The following ADAMTS17 variants were observed in gnomAD, a reference collection of about 807,000 sequenced individuals.
ADAMTS17 encodes ADAM metallopeptidase with thrombospondin type 1 motif 17.
Under a neutral mutation model 141.5 loss-of-function variants are expected in ADAMTS17, and 113 were observed. The ratio of observed to expected loss-of-function variants is 0.80; its 90% CI spans 0.69 to 0.93. ADAMTS17 has a LOEUF of 0.93. Among genes scored for constraint, ADAMTS17 ranks in the 40% least tolerant of loss-of-function variants. The probability of loss-of-function intolerance (pLI) is 0.00; values close to 1 mark genes in which losing one functional copy is unlikely to be tolerated. For missense variants in ADAMTS17, 1,659 were observed against 1,517.9 expected, an observed-to-expected ratio of 1.09 and a Z score of -1.54; for synonymous variants, 768 against 630.6, an observed-to-expected ratio of 1.22 and a Z score of -3.27.
At chr15:100,002,254 T>A (rs1052589961) in intron 18 of ADAMTS17, among the ~76,000 whole-genome samples, 1 of 151,988 alleles carries the variant, frequency 6.6e-6, no homozygotes, top group East Asian at 1.9e-4. Context: ...TGAGACCTGT[T>A]TGGCGCTATT....
intron 20 of ADAMTS17, among the ~76,000 whole-genome samples, chr15:99,987,367 G>A (rs965551698): frequency 1.3e-5 from 2 of 152,168 alleles, no homozygotes; most frequent in Non-Finnish European, 2.9e-5. Flanking sequence ...CCTCGAAACT[G>A]GACAACTGGT....
At chr15:100,026,754 C>T (rs2061522827) in intron 18 of ADAMTS17, among the ~76,000 whole-genome samples, 1 of 152,224 alleles carries the variant, frequency 6.6e-6, no homozygotes, top group Admixed American at 6.5e-5. Flanking sequence ...TTGGATTTGT[C>T]AGCCTCTTTG....
intron 10 of ADAMTS17, among the ~76,000 whole-genome samples, chr15:100,151,095 T>A (rs2039140233): frequency 6.6e-6 from 1 of 152,026 alleles, no homozygotes; most frequent in Non-Finnish European, 1.5e-5. Context: ...TCATCACATC[T>A]CCCCATGGAG....
At chr15:100,052,917 G>A (rs1053783065) in intron 16 of ADAMTS17, among the ~76,000 whole-genome samples, 1 of 152,230 alleles carries the variant, frequency 6.6e-6, no homozygotes, top group African/African-American at 2.4e-5. Context: ...ACGGGGCAAC[G>A]CCCACCCTGG....
At chr15:99,992,131 T>A (rs1204595108) in intron 20 of ADAMTS17, among the ~76,000 whole-genome samples, 1 of 152,022 alleles carries the variant, frequency 6.6e-6, no homozygotes, top group Non-Finnish European at 1.5e-5. Flanking sequence ...ATGACACATG[T>A]ATACCTGTGT....
intron 3 of ADAMTS17, among the ~76,000 whole-genome samples, chr15:100,296,580 GGTGTGTGTGTGTGTGTGTGTGTGTAT>G (rs1164110530): frequency 1.9e-5 from 2 of 107,918 alleles, no homozygotes; most frequent in Non-Finnish European, 3.9e-5. Context: ...GGTGAGGGGG[GGTGTGTGTGTGTGTGTGTGTGTGTAT>G]GTGTGTGTGT....
intron 15 of ADAMTS17, among the ~76,000 whole-genome samples, chr15:100,090,818 C>T (rs8041314): frequency 0.15 from 23,248 of 151,570 alleles, 2,390 homozygotes; most frequent in East Asian, 0.54. Context: ...CTAGCCTGAA[C>T]GACACGGTGA....
At chr15:100,145,895 G>A (rs997799293) in intron 10 of ADAMTS17, among the ~76,000 whole-genome samples, 3 of 152,166 alleles carry the variant, frequency 2.0e-5, no homozygotes, top group South Asian at 2.1e-4. Flanking sequence ...ATTCCAGGCC[G>A]GGTACAGTGG....
At chr15:100,174,280 G>A (rs1214962964) in intron 8 of ADAMTS17, among the ~76,000 whole-genome samples, 1 of 150,340 alleles carries the variant, frequency 6.7e-6, no homozygotes, top group African/African-American at 2.5e-5. Context: ...CAATAGTGTT[G>A]GCAGATTCTG....
intron 18 of ADAMTS17, among the ~76,000 whole-genome samples, chr15:100,043,469 C>T (rs2031428809): frequency 6.6e-6 from 1 of 152,114 alleles, no homozygotes; most frequent in Non-Finnish European, 1.5e-5. Flanking sequence ...AATACATTCC[C>T]TGAGCTAATA....
chr15:100,319,147 G>C (rs1160208625), intron 3 of ADAMTS17, among the ~76,000 whole-genome samples: 3 of 152,250 alleles, frequency 2.0e-5, no homozygotes, highest in African/African-American at 7.2e-5. Flanking sequence ...GACTCCCAAA[G>C]AGGGTAGAAT....
intron 3 of ADAMTS17, among the ~76,000 whole-genome samples, chr15:100,315,712 A>C (rs368624083): frequency 1.8e-4 from 28 of 151,844 alleles, no homozygotes; most frequent in African/African-American, 6.1e-4. Flanking sequence ...CTAAAAATAC[A>C]CTAAAAGACA....
rs115835599 is a variant in ADAMTS17, at chr15:100,057,300, C to T, written c.2138-3246G>A. Among the ~76,000 whole-genome samples, 348 of 152,240 alleles carry T rather than the reference C, an allele frequency of 2.3e-3. 1 individual carries two copies. The highest frequency in any genetic ancestry group is 8.0e-3 in the African/African-American group (331 of 41,534). ...TGAGGATAGAGGACACCCAGGCATG[C>T]TGAGGTGCCCTGTACAAAGGAGACA... On this transcript the variant is annotated intron_variant, in intron 15 of 21. Transcript: ENST00000268070.
At chr15:100,022,568 A>G (rs1269861091) in intron 18 of ADAMTS17, among the ~76,000 whole-genome samples, 3 of 152,212 alleles carry the variant, frequency 2.0e-5, no homozygotes, top group Non-Finnish European at 4.4e-5. Context: ...GGCAAATGAG[A>G]CACAGTAATT....
chr15:100,022,627 C>CTTCAAAA (rs2061426414), intron 18 of ADAMTS17, among the ~76,000 whole-genome samples: 1 of 152,136 alleles, frequency 6.6e-6, no homozygotes, highest in South Asian at 2.1e-4. Flanking sequence ...CCTTTAGCCA[C>CTTCAAAA]CCAGCCCTGA....
intron 21 of ADAMTS17, among the ~76,000 whole-genome samples, chr15:99,975,121 C>T (rs991800119): frequency 4.6e-5 from 7 of 152,262 alleles, no homozygotes; most frequent in Non-Finnish European, 8.8e-5. Flanking sequence ...AAATCCCCTT[C>T]ATTTTGGTGA....
At chr15:100,023,491 C>G (rs1011575740) in intron 18 of ADAMTS17, among the ~76,000 whole-genome samples, 2 of 152,036 alleles carry the variant, frequency 1.3e-5, no homozygotes, top group Non-Finnish European at 1.5e-5. Flanking sequence ...CAGGGGTGAG[C>G]CACTTTGCCT....
At chr15:100,230,854 T>C (rs1408581435) in intron 7 of ADAMTS17, among the ~76,000 whole-genome samples, 3 of 141,270 alleles carry the variant, frequency 2.1e-5, no homozygotes, top group Non-Finnish European at 3.2e-5. Context: ...CTGAAACAGG[T>C]GTTGGGACTG....
intron 10 of ADAMTS17, among the ~76,000 whole-genome samples, chr15:100,152,322 C>A (rs996570586): frequency 6.6e-6 from 1 of 152,126 alleles, no homozygotes; most frequent in East Asian, 1.9e-4. Context: ...GATTCCCCTG[C>A]AAAAGTGCCC....
Sources: allele counts gnomAD v4.1 joint callset (sites outside exome capture counted in the v4.1 genomes callset), GRCh38; gene constraint gnomAD v4.1.1; transcripts MANE v1.5; gene names NCBI Gene and HGNC (gene_info 2026-07-23, HGNC 2026-07-21).